The following GFRA2 variants were observed in gnomAD, a reference collection of about 807,000 sequenced individuals.
The protein encoded by GFRA2 is GDNF family receptor alpha 2, also known as GDNF family receptor alpha-2.
In GFRA2, 17 loss-of-function variants were observed where a neutral mutation model predicts 48.3. The ratio of observed to expected loss-of-function variants is 0.35; its 90% CI spans 0.24 to 0.53. The LOEUF is 0.53. Ranked by LOEUF, GFRA2 falls within the 20% of genes least tolerant of loss-of-function variation. The pLI, the probability that GFRA2 is intolerant of heterozygous loss-of-function variation, is 0.93. For synonymous variants in GFRA2, 305 were observed against 257.2 expected, an observed-to-expected ratio of 1.19 and a Z score of -1.78; for missense variants, 660 against 637.3, an observed-to-expected ratio of 1.04 and a Z score of -0.38.
intron 4 of GFRA2, among the ~76,000 whole-genome samples, chr8:21,729,852 C>T (rs1804093571): frequency 6.6e-6 from 1 of 152,230 alleles, no homozygotes; most frequent in Non-Finnish European, 1.5e-5. Context: ...ACATCCCGCC[C>T]TGACCTGCCT....
chr8:21,757,281 C>T (rs1805616631), intron 3 of GFRA2, among the ~76,000 whole-genome samples: 1 of 152,180 alleles, frequency 6.6e-6, no homozygotes, highest in African/African-American at 2.4e-5. Context: ...CTGCCCTGAG[C>T]CAAGAGCCCA....
chr8:21,778,890 T>TA (rs1806838293), intron 2 of GFRA2, among the ~76,000 whole-genome samples: 2 of 149,994 alleles, frequency 1.3e-5, no homozygotes, highest in Non-Finnish European at 3.0e-5. Context: ...TCCATCTCAT[T>TA]AAAAAATAAA....
intron 4 of GFRA2, among the ~76,000 whole-genome samples, chr8:21,715,652 C>T (rs1188261541): frequency 6.6e-6 from 1 of 152,222 alleles, no homozygotes; most frequent in Non-Finnish European, 1.5e-5. Flanking sequence ...CCACGGCACC[C>T]CTTTCTCCTG....
intron 4 of GFRA2, among the ~76,000 whole-genome samples, chr8:21,742,806 A>G (rs1414415768): frequency 6.6e-6 from 1 of 152,166 alleles, no homozygotes; most frequent in East Asian, 1.9e-4. Context: ...CCTCAAGCAC[A>G]ACTCCACAAG....
intron 3 of GFRA2, among the ~76,000 whole-genome samples, chr8:21,752,946 G>A (rs763713778): frequency 2.0e-5 from 3 of 152,032 alleles, no homozygotes; most frequent in South Asian, 2.1e-4. Flanking sequence ...CTGAGCCACC[G>A]ACACTGTGCC....
chr8:21,757,639 G>A (rs1805641216), intron 3 of GFRA2, among the ~76,000 whole-genome samples: 1 of 152,078 alleles, frequency 6.6e-6, no homozygotes, highest in South Asian at 2.1e-4. Context: ...GGGATTACAG[G>A]CGCCTGCCAC....
intron 4 of GFRA2, among the ~76,000 whole-genome samples, chr8:21,716,665 G>A (rs1803351802): frequency 6.6e-6 from 1 of 152,206 alleles, no homozygotes; most frequent in Admixed American, 6.5e-5. Flanking sequence ...GCCACAGCCA[G>A]AGATAAACGT....
chr8:21,787,174 G>A (rs1807314389), intron 1 of GFRA2, among the ~76,000 whole-genome samples: 1 of 151,496 alleles, frequency 6.6e-6, no homozygotes, highest in Non-Finnish European at 1.5e-5. Context: ...AGCTTTAAAG[G>A]GAGAGAGGAG....
At chr8:21,699,964 G>A (rs140043927) in intron 7 of GFRA2, among the ~76,000 whole-genome samples, 52 of 152,328 alleles carry the variant, frequency 3.4e-4, no homozygotes, top group African/African-American at 1.0e-3. Flanking sequence ...AACACATCAC[G>A]ATGGGGCCAT....
At chr8:21,792,916 A>C (rs1437360797), upstream of GFRA2, among the ~76,000 whole-genome samples, 2 of 151,768 alleles carry the variant, frequency 1.3e-5, no homozygotes, top group African/African-American at 4.9e-5. Context: ...AATACAAAAA[A>C]CATATCCAGG....
At chr8:21,803,339 G>C (rs904175734) in intron 2 of GFRA2, among the ~76,000 whole-genome samples, 31 of 152,152 alleles carry the variant, frequency 2.0e-4, no homozygotes, top group African/African-American at 7.2e-4. Context: ...AGCAACAGTG[G>C]GACTAGAAGA....
At position 21,691,356 on chromosome 8, in the gene GFRA2, T is replaced by A. The variant is rs551531206; in HGVS notation, c.*1922A>T. The A allele has an allele frequency of 6.6e-6, 1 of 152,266 alleles. No homozygotes were observed. The highest frequency in any genetic ancestry group is 1.5e-5 in the Non-Finnish European group (1 of 68,088). 9.4% of individuals were successfully genotyped at this position (152,266 alleles called of 1,614,324 possible). On this transcript the variant is annotated 3_prime_UTR_variant, in exon 9 of 9. Coordinates refer to ENST00000524240, the MANE Select transcript of GFRA2 (RefSeq NM_001495.5). ...GCCAGCAGGCATTCTCCTGGTCCTC[T>A]CTGGGGAGAATCTCTCTTGGAGACT...
chr8:21,727,580 G>A (rs761679266), intron 4 of GFRA2, among the ~76,000 whole-genome samples: 1 of 152,172 alleles, frequency 6.6e-6, no homozygotes, highest in Non-Finnish European at 1.5e-5. Flanking sequence ...GGCATGGTTC[G>A]GGTTCCTAGA....
intron 4 of GFRA2, among the ~76,000 whole-genome samples, chr8:21,712,810 G>A (rs1803123139): frequency 6.6e-6 from 1 of 152,212 alleles, no homozygotes; most frequent in Non-Finnish European, 1.5e-5. Context: ...CTGGAGACCA[G>A]CCCGGCCAAC....
intron 4 of GFRA2, among the ~76,000 whole-genome samples, chr8:21,730,094 G>A (rs560026292): frequency 3.3e-5 from 5 of 152,170 alleles, no homozygotes; most frequent in South Asian, 4.2e-4. Context: ...GTTACGGCAC[G>A]AGAAGGGACC....
In GFRA2 at chr8:21,809,146, G is replaced by A. The variant is rs377401409; in HGVS notation, c.-148+3085C>T. On this transcript the variant is annotated intron_variant, in intron 1 of 10. Transcript: ENST00000517328. ...CAGCCCAACATCACGCAAGGAGTAAGTGAATAAGCTAGGCCTAGACCCGCA... is the reference window on the plus strand; with the variant it reads ...CAGCCCAACATCACGCAAGGAGTAAATGAATAAGCTAGGCCTAGACCCGCA... Among the ~76,000 whole-genome samples the A allele has an allele frequency of 2.9e-4, 44 of 152,324 alleles. No homozygotes were observed. In the South Asian group the frequency reaches 8.3e-3, roughly 29 times the overall value.
intron 7 of GFRA2, among the ~76,000 whole-genome samples, chr8:21,699,221 G>A (rs564105543): frequency 2.0e-4 from 31 of 152,214 alleles, no homozygotes; most frequent in Non-Finnish European, 4.3e-4. Context: ...CCCATGCTCT[G>A]AGGTCCACAG....
At chr8:21,792,934 G>A (rs1218222648), upstream of GFRA2, among the ~76,000 whole-genome samples, 1 of 152,194 alleles carries the variant, frequency 6.6e-6, no homozygotes. Context: ...AGGTGCGGTG[G>A]CGCACACCTG....
Position 21,782,722 on chromosome 8 carries a change from A to T in GFRA2, c.218T>A (p.Leu73Gln), listed in dbSNP as rs1315762779. ...GGCCGCCTGGCACTCCTTGTTGGCC[A>T]GCATGGTGTTGCGGTCGCGGCCTGC... ...CLAGRDRNTM[L>Q]ANKECQAALE... The change falls in exon 2 of 9, where the codon CTG (leucine) becomes CAG (glutamine). Residue 73 changes from leucine (L) to glutamine (Q), a missense_variant. Coordinates refer to ENST00000524240, the MANE Select transcript of GFRA2 (RefSeq NM_001495.5). 5 of 1,597,920 alleles carry T rather than the reference A, an allele frequency of 3.1e-6. No individual in the cohort carries two copies. In the African/African-American group the frequency reaches 5.4e-5, roughly 17 times the overall value.
Sources: allele counts gnomAD v4.1 joint callset (sites outside exome capture counted in the v4.1 genomes callset), GRCh38; gene constraint gnomAD v4.1.1; transcripts MANE v1.5; gene names NCBI Gene and HGNC (gene_info 2026-07-23, HGNC 2026-07-21).